Variants in GATA3 observed in about 807,000 individuals in gnomAD.
The protein encoded by GATA3 is trans-acting T-cell-specific transcription factor GATA-3.
A neutral mutation model predicts 36.0 loss-of-function variants in GATA3; 6 were observed. The observed-to-expected ratio is 0.17, with a 90% confidence interval of 0.09 to 0.33. The LOEUF is 0.33. Ranked by LOEUF, GATA3 falls within the 10% of genes least tolerant of loss-of-function variation. The probability of loss-of-function intolerance (pLI) is 1.00; values close to 1 mark genes in which losing one functional copy is unlikely to be tolerated. For missense variants in GATA3, 514 were observed against 610.1 expected, an observed-to-expected ratio of 0.84 and a Z score of 1.66; for synonymous variants, 326 against 273.0, an observed-to-expected ratio of 1.19 and a Z score of -1.92.
At chr10:8,058,156 A>G (rs1832673609) in intron 2 of GATA3, 149 bp from the exon 3 acceptor site, 2 of 777,228 alleles carry the variant, frequency 2.6e-6, no homozygotes, top group Middle Eastern at 7.4e-4. Flanking sequence ...TACTCCGGGG[A>G]CCGCCAGGAT....
intron 4 of GATA3, among the ~76,000 whole-genome samples, chr10:8,065,712 T>TG (rs1448852792): frequency 7.0e-6 from 1 of 143,774 alleles, no homozygotes; most frequent in Non-Finnish European, 1.5e-5. Context: ...TTTTTTTTTT[T>TG]TTTTTTTTTT....
At chr10:8,069,698 G>C in intron 5 of GATA3, 100 bp downstream of exon 5, 1 of 1,377,000 alleles carries the variant, frequency 7.3e-7, no homozygotes, top group Non-Finnish European at 1.0e-6. Context: ...TCACCATGGG[G>C]GCAGATGACA....
At chr10:8,045,668 C>T (rs190938542) in intron 1 of GATA3, among the ~76,000 whole-genome samples, 204 of 152,286 alleles carry the variant, frequency 1.3e-3, no homozygotes, top group South Asian at 8.5e-3. Flanking sequence ...TTTTTGGTCA[C>T]TGGAAATCTC....
At chr10:8,068,608 C>T (rs750295903) in intron 4 of GATA3, among the ~76,000 whole-genome samples, 28 of 152,110 alleles carry the variant, frequency 1.8e-4, no homozygotes, top group Non-Finnish European at 4.0e-4. Flanking sequence ...AAAAATTAGC[C>T]GGGCATGGTG....
At chr10:8,051,062 C>A (rs772981663), upstream of GATA3, 117 of 525,884 alleles carry the variant, frequency 2.2e-4, 3 homozygotes, top group Admixed American at 2.2e-3. Flanking sequence ...CCCAGAAAGC[C>A]GCGCCTCCGC....
intron 5 of GATA3, 34 bp downstream of exon 5, chr10:8,069,632 G>T (rs546031076): frequency 6.2e-7 from 1 of 1,612,940 alleles, no homozygotes; most frequent in Non-Finnish European, 8.5e-7. Context: ...AACAGGGCTC[G>T]CTTCCTGATG....
rs1343882720 is a variant in GATA3 at position 8,055,885 on chromosome 10, C to T, written c.230C>T (p.Pro77Leu). 5 of 1,560,190 alleles carry T rather than the reference C, an allele frequency of 3.2e-6. No homozygotes were observed. In the African/African-American group the frequency reaches 6.8e-5, roughly 21 times the overall value. The change falls in exon 2 of 6, where the codon CCG becomes CTG. Residue 77 changes from proline to leucine, a missense_variant. Pro to Leu is a moderately conservative substitution (Grantham distance 98). This residue lies in a region of GATA3 where 381 missense variants were observed against 354.3 expected (regional missense o/e 1.08). Transcript: ENST00000379328. This position sits in a 1 kb window ranked among gnomAD's most constrained non-coding sequence, Gnocchi z 5.4. ...SVRATVQRYPPTHHGSQVCRP... is the reference protein window; with the variant it reads ...SVRATVQRYPLTHHGSQVCRP... ...AGGGCCACGGTGCAGAGGTACCCTC[C>T]GACCCACCACGGTGAGTGCGCCCGG... is the stretch of plus-strand genomic sequence containing the variant.
At chr10:8,066,387 A>G (rs1832842439) in intron 4 of GATA3, among the ~76,000 whole-genome samples, 1 of 150,942 alleles carries the variant, frequency 6.6e-6, no homozygotes, top group East Asian at 1.9e-4. Context: ...TATAGAATTC[A>G]TAAGCTACAG....
chr10:8,047,890 C>G (rs1832411730), intron 1 of GATA3, among the ~76,000 whole-genome samples: 1 of 152,132 alleles, frequency 6.6e-6, no homozygotes, highest in Non-Finnish European at 1.5e-5. Flanking sequence ...CTTTGCACCT[C>G]TGAGTCGGGC....
Position 8,055,710 on chromosome 10 carries a change from C to T in GATA3, c.55C>T (p.Leu19Phe), listed in dbSNP as rs1014542996. The change falls in exon 2 of 6, where the codon CTC (leucine) becomes TTC (phenylalanine). Residue 19 changes from leucine to phenylalanine, a missense_variant. Physicochemically the swap from Leu to Phe is conservative, Grantham distance 22. Around this residue, in one of 3 missense-constraint regions of GATA3, gnomAD observed 381 missense variants for 354.3 expected, o/e 1.08. Transcript: ENST00000379328. This position sits in a 1 kb window ranked among gnomAD's most constrained non-coding sequence, Gnocchi z 5.4. ...RWVSHHHPAV[L>F]NGQHPDTHHP... ...GGTGAGCCACCACCACCCCGCCGTG[C>T]TCAACGGGCAGCACCCGGACACGCA... is the stretch of plus-strand genomic sequence containing the variant. 1.9e-6 allele frequency: 3 copies of T among 1,565,510 alleles called. No homozygotes were observed. Among genetic ancestry groups the T allele is most frequent in the Non-Finnish European group, 2.6e-6 (3 of 1,155,296 alleles).
chr10:8,067,586 A>G (rs1832863061), intron 4 of GATA3, among the ~76,000 whole-genome samples: 1 of 152,186 alleles, frequency 6.6e-6, no homozygotes, highest in Non-Finnish European at 1.5e-5. Flanking sequence ...TGGGAGGCCA[A>G]GGCGGGTAGA....
chr10:8,074,266 C>A lies in GATA3; in HGVS notation c.*243C>A. The A allele has an allele frequency of 1.9e-6, 1 of 515,492 alleles. No individual in the cohort carries two copies. The allele number at this position is 515,492 out of a possible 1,614,324, so 31.9% of individuals were successfully genotyped here. ...ACTCATATCCCCTATTTAACAGGGT[C>A]TCTAGTGCTGTGAAAAAAAAAATGC... On this transcript the variant is annotated 3_prime_UTR_variant, in exon 6 of 6. Coordinates refer to ENST00000379328, the MANE Select transcript of GATA3 (RefSeq NM_001002295.2).
chr10:8,045,866 C>T (rs779131930), intron 1 of GATA3, among the ~76,000 whole-genome samples: 1 of 152,234 alleles, frequency 6.6e-6, no homozygotes. Context: ...TTGGGGAAAA[C>T]AACCCCTGTG....
intron 4 of GATA3, among the ~76,000 whole-genome samples, chr10:8,065,624 G>A (rs549174575): frequency 2.0e-5 from 3 of 150,840 alleles, no homozygotes; most frequent in African/African-American, 4.9e-5. Context: ...CCTGGATATC[G>A]AGGCTTTATT....
chr10:8,061,409 A>G (rs1832746677), intron 3 of GATA3, among the ~76,000 whole-genome samples: 1 of 152,166 alleles, frequency 6.6e-6, no homozygotes, highest in African/African-American at 2.4e-5. Flanking sequence ...AAGGCGGAGC[A>G]AGAGGCATTT....
At position 8,058,831 on chromosome 10, in the gene GATA3, G is replaced by A. The variant is rs1403450415; in HGVS notation, c.768G>A (p.Arg256=). ...GFGCKSRPKA[R]SSTEGRECVN... is the part of the protein sequence containing the mutation. ...GATGCAAGTCCAGGCCCAAGGCCCGGTCCAGCACAGGTAGGAGCCAGCTCT... is the reference window on the plus strand; with the variant it reads ...GATGCAAGTCCAGGCCCAAGGCCCGATCCAGCACAGGTAGGAGCCAGCTCT... The change falls in exon 3 of 6, where the codon CGG becomes CGA. Residue 256 remains arginine, a synonymous_variant. Coordinates refer to ENST00000379328, the MANE Select transcript of GATA3 (RefSeq NM_001002295.2). 10 of 1,603,524 alleles carry A rather than the reference G, an allele frequency of 6.2e-6. No individual in the cohort carries two copies. Among genetic ancestry groups the A allele is most frequent in the Non-Finnish European group, 7.6e-6 (9 of 1,179,946 alleles).
At chr10:8,068,637 C>A (rs1832882913) in intron 4 of GATA3, among the ~76,000 whole-genome samples, 1 of 152,154 alleles carries the variant, frequency 6.6e-6, no homozygotes, top group Non-Finnish European at 1.5e-5. Flanking sequence ...TTATAAATCC[C>A]AGCTACTCGG....
At chr10:8,047,378 T>C (rs1405760795) in intron 1 of GATA3, among the ~76,000 whole-genome samples, 1 of 152,220 alleles carries the variant, frequency 6.6e-6, no homozygotes, top group African/African-American at 2.4e-5. Context: ...TCGGTTATTT[T>C]TAACTATTTC....
intron 3 of GATA3, among the ~76,000 whole-genome samples, chr10:8,059,190 G>A (rs1172439463): frequency 6.6e-6 from 1 of 152,218 alleles, no homozygotes; most frequent in Non-Finnish European, 1.5e-5. Context: ...GGAAGGCCGA[G>A]GGAATAATTC....
Sources: gnomAD v4.1 joint callset for allele counts (sites outside exome capture counted in the v4.1 genomes callset) on GRCh38, gnomAD v4.1.1 for gene constraint, gnomAD v4.1.1 regional missense constraint, Gnocchi (gnomAD v3.1) non-coding constraint, MANE v1.5 for transcripts, NCBI Gene and HGNC (gene_info 2026-07-23, HGNC 2026-07-21) for gene names.